TULP4: variants seen among roughly 807,000 people sequenced by gnomAD.
TULP4 encodes the protein tubby-related protein 4.
Under a neutral mutation model 129.0 loss-of-function variants are expected in TULP4, and 16 were observed. The observed-to-expected ratio is 0.12, with a 90% CI of 0.08 to 0.19. The LOEUF (loss-of-function observed/expected upper bound fraction) is 0.19, where lower values mean the gene tolerates loss of function less well. Ranked by LOEUF, TULP4 falls within the 10% of genes least tolerant of loss-of-function variation. The probability of loss-of-function intolerance (pLI) is 1.00; values close to 1 mark genes in which losing one functional copy is unlikely to be tolerated. For missense variants in TULP4, 1,842 were observed against 2,059.1 expected, an observed-to-expected ratio of 0.89 and a Z score of 2.04; for synonymous variants, 998 against 854.0, an observed-to-expected ratio of 1.17 and a Z score of -2.94.
chr6:158,379,048 C>A (rs1332444829), intron 1 of TULP4, among the ~76,000 whole-genome samples: 2 of 152,208 alleles, frequency 1.3e-5, no homozygotes, highest in East Asian at 3.9e-4. Context: ...CCAGAGTGAA[C>A]AGAGAGACCA....
At chr6:158,421,992 A>G (rs1007839540) in intron 2 of TULP4, among the ~76,000 whole-genome samples, 1 of 151,928 alleles carries the variant, frequency 6.6e-6, no homozygotes, top group Admixed American at 6.6e-5. Context: ...GTGCTGTGAG[A>G]GAAATGTATA....
chr6:158,452,024 A>G (rs1779172178), intron 4 of TULP4, 110 bp from the exon 5 acceptor site: 22 of 1,482,658 alleles, frequency 1.5e-5, no homozygotes, highest in Non-Finnish European at 2.0e-5. Flanking sequence ...CCAGAGTAGG[A>G]TCTGCATTGT....
Position 158,313,065 on chromosome 6 carries a change from C to G in TULP4, c.-952C>G, listed in dbSNP as rs1050211973. 1 of 161,766 alleles carries G rather than the reference C, an allele frequency of 6.2e-6. No individual in the cohort carries two copies. Among genetic ancestry groups the G allele is most frequent in the Non-Finnish European group, 1.3e-5 (1 of 74,662 alleles). The allele number at this position is 161,766 out of a possible 1,614,324, so 10.0% of individuals were successfully genotyped here. Reference sequence around the variant, plus strand: ...CTAACTGGGGGAGCGAGAAGGGAGACGAGCAAAAGAAACAAAATCTTGCCA... The same window carrying G: ...CTAACTGGGGGAGCGAGAAGGGAGAGGAGCAAAAGAAACAAAATCTTGCCA... On this transcript the variant is annotated 5_prime_UTR_variant, in exon 1 of 14. Coordinates refer to ENST00000367097, the MANE Select transcript of TULP4 (RefSeq NM_020245.5).
intron 1 of TULP4, among the ~76,000 whole-genome samples, chr6:158,333,027 C>T (rs1485871608): frequency 3.3e-5 from 5 of 152,140 alleles, no homozygotes; most frequent in Admixed American, 3.3e-4. Flanking sequence ...CAGACCACCC[C>T]TATACCTTCC....
chr6:158,313,461 A>C lies in TULP4; in HGVS notation c.-556A>C. On this transcript the variant is annotated 5_prime_UTR_variant, in exon 1 of 14. Transcript: ENST00000367097. The stretch of plus-strand genomic sequence containing the variant: ...CAGCAGAAATTTGTCTAGTTCAGGA[A>C]ACATGCTAGAGGGTGGCTTCAGAAG... 2.5e-6 allele frequency: 1 copy of C among 399,540 alleles called. No homozygotes were observed. The highest frequency in any genetic ancestry group is 1.3e-4 in the South Asian group (1 of 7,896). The allele number at this position is 399,540 out of a possible 1,614,324, so 24.7% of individuals were successfully genotyped here.
intron 1 of TULP4, among the ~76,000 whole-genome samples, chr6:158,239,714 C>T (rs201119731): frequency 3.6e-4 from 21 of 58,742 alleles, no homozygotes; most frequent in South Asian, 7.1e-4. Flanking sequence ...TAGGGGCGGC[C>T]GGGCAGAGGC....
intron 3 of TULP4, among the ~76,000 whole-genome samples, chr6:158,444,608 G>A (rs1006136754): frequency 6.6e-6 from 1 of 152,112 alleles, no homozygotes; most frequent in Non-Finnish European, 1.5e-5. Flanking sequence ...CAAAGACAAA[G>A]GTACTGATGA....
chr6:158,346,825 A>ATGC (rs1780324776), intron 1 of TULP4, among the ~76,000 whole-genome samples: 1 of 151,362 alleles, frequency 6.6e-6, no homozygotes, highest in South Asian at 2.1e-4. Context: ...CTTGATGATG[A>ATGC]TTCTGTAATT....
chr6:158,422,803 C>T (rs927661487), intron 2 of TULP4, among the ~76,000 whole-genome samples: 1 of 152,178 alleles, frequency 6.6e-6, no homozygotes, highest in African/African-American at 2.4e-5. Context: ...AAAACGCTGG[C>T]CCTCCCACCC....
intron 1 of TULP4, among the ~76,000 whole-genome samples, chr6:158,348,709 A>T (rs1780380406): frequency 6.7e-6 from 1 of 149,196 alleles, no homozygotes; most frequent in Admixed American, 6.7e-5. Context: ...TGTTGGGTAC[A>T]CCTCCCAGAT....
intron 1 of TULP4, among the ~76,000 whole-genome samples, chr6:158,357,213 C>G (rs1021966042): frequency 6.6e-6 from 1 of 152,158 alleles, no homozygotes; most frequent in Non-Finnish European, 1.5e-5. Flanking sequence ...TGTGACTCTT[C>G]GAGTCAAGGT....
chr6:158,352,752 C>T (rs1216578531), intron 1 of TULP4, among the ~76,000 whole-genome samples: 4 of 152,144 alleles, frequency 2.6e-5, no homozygotes, highest in Admixed American at 6.6e-5. Flanking sequence ...TTGGATTTGG[C>T]GTGTTCTCCC....
At chr6:158,249,794 A>G (rs909506113) in intron 1 of TULP4, among the ~76,000 whole-genome samples, 5 of 152,214 alleles carry the variant, frequency 3.3e-5, no homozygotes, top group African/African-American at 7.2e-5. Flanking sequence ...AAGCTGCTCA[A>G]TTACATTGCT....
At chr6:158,456,177 C>G (rs1779287293) in intron 5 of TULP4, among the ~76,000 whole-genome samples, 1 of 152,162 alleles carries the variant, frequency 6.6e-6, no homozygotes, top group African/African-American at 2.4e-5. Flanking sequence ...AGGGGTAGAA[C>G]TCTTACTGTG....
intron 3 of TULP4, among the ~76,000 whole-genome samples, chr6:158,447,221 G>C (rs1223470131): frequency 6.6e-6 from 1 of 152,176 alleles, no homozygotes; most frequent in Non-Finnish European, 1.5e-5. Flanking sequence ...CGTGACCCAT[G>C]CTCCGGTGTC....
intron 4 of TULP4, among the ~76,000 whole-genome samples, chr6:158,450,752 GAAAAA>G (rs11340391): frequency 6.8e-6 from 1 of 146,896 alleles, no homozygotes; most frequent in East Asian, 2.0e-4. Context: ...TTTTATTATT[GAAAAA>G]AAAAAAAGAA....
At chr6:158,343,140 G>A (rs963541423) in intron 1 of TULP4, among the ~76,000 whole-genome samples, 6 of 152,002 alleles carry the variant, frequency 3.9e-5, no homozygotes, top group Admixed American at 2.0e-4. Context: ...AGCCCTGTGT[G>A]AGCGCGCCTG....
chr6:158,427,253 G>A (rs1225168709), intron 2 of TULP4, among the ~76,000 whole-genome samples: 1 of 152,112 alleles, frequency 6.6e-6, no homozygotes, highest in Non-Finnish European at 1.5e-5. Flanking sequence ...GGTACCATTC[G>A]TGCAAAATTC....
intron 6 of TULP4, among the ~76,000 whole-genome samples, chr6:158,464,721 G>C (rs1323149945): frequency 6.6e-6 from 1 of 152,164 alleles, no homozygotes; most frequent in Non-Finnish European, 1.5e-5. Flanking sequence ...TTATGCAGAT[G>C]AAACTACTTA....
Sources: allele counts gnomAD v4.1 joint callset (sites outside exome capture counted in the v4.1 genomes callset), GRCh38; gene constraint gnomAD v4.1.1; transcripts MANE v1.5; gene names NCBI Gene and HGNC (gene_info 2026-07-23, HGNC 2026-07-21).